Variants in WNK1 observed in about 807,000 individuals in gnomAD.
The protein encoded by WNK1 is serine/threonine-protein kinase WNK1.
A neutral mutation model predicts 222.8 loss-of-function variants in WNK1; 38 were observed. The observed-to-expected ratio is 0.17, with a 90% CI of 0.13 to 0.22. WNK1 has a LOEUF of 0.22. Among genes scored for constraint, WNK1 ranks in the 10% least tolerant of loss-of-function variants. The pLI, the probability that WNK1 is intolerant of heterozygous loss-of-function variation, is 1.00. For synonymous variants in WNK1, 1,090 were observed against 1,092.9 expected (o/e 1.00, Z 0.05); for missense variants, 2,348 against 2,918.4 (o/e 0.80, Z 4.50).
chr12:814,614 T>C (rs959861838), intron 2 of WNK1, among the ~76,000 whole-genome samples: 1 of 152,176 alleles, frequency 6.6e-6, no homozygotes, highest in Non-Finnish European at 1.5e-5. Flanking sequence ...CCGTTACTTA[T>C]TGTAAAGAGC....
At position 786,922 on chromosome 12, in the gene WNK1, C is replaced by T. The variant is rs187506617; in HGVS notation, c.760-26720C>T. ...AATTGGTATGTTTGGAGTTGGTCTT[C>T]TTCCTGCCTTCTATGTGTTTTAATT... On this transcript the variant is annotated intron_variant, in intron 1 of 27. Transcript: ENST00000315939. Among the ~76,000 whole-genome samples, 140 of 152,034 alleles carry T rather than the reference C, an allele frequency of 9.2e-4. 2 individuals carry two copies. The highest frequency in any genetic ancestry group is 7.5e-3 in the South Asian group (36 of 4,794).
At chr12:821,798 G>A (rs1366406638) in intron 2 of WNK1, among the ~76,000 whole-genome samples, 1 of 151,768 alleles carries the variant, frequency 6.6e-6, no homozygotes, top group Non-Finnish European at 1.5e-5. Context: ...TTTATCTCTT[G>A]CATCAGTATT....
intron 1 of WNK1, among the ~76,000 whole-genome samples, chr12:799,824 A>G (rs1317478369): frequency 6.6e-6 from 1 of 152,142 alleles, no homozygotes; most frequent in African/African-American, 2.4e-5. Context: ...AGCTGGGATT[A>G]CAGGTGCATG....
At chr12:823,612 C>T (rs1948088765) in intron 2 of WNK1, among the ~76,000 whole-genome samples, 1 of 152,168 alleles carries the variant, frequency 6.6e-6, no homozygotes, top group African/African-American at 2.4e-5. Context: ...TTTAAAGTTT[C>T]TGTCTCTGTT....
rs1198959619 is a variant in WNK1, at chr12:753,533, C to T, written c.-33C>T. ...TTCACGCCCTTTTCGTTCACGAATC[C>T]GAGCCCGCTCGCCTCTCTCCAGCGA... On this transcript the variant is annotated 5_prime_UTR_variant, in exon 1 of 28. Transcript: ENST00000315939. The surrounding 1 kb of genome is among the most constrained non-coding windows in gnomAD (Gnocchi z 5.2). The T allele has an allele frequency of 6.2e-7, 1 of 1,610,822 alleles. No individual in the cohort carries two copies. The highest frequency in any genetic ancestry group is 1.1e-5 in the South Asian group (1 of 90,956).
At chr12:787,663 T>G (rs766475201) in intron 1 of WNK1, among the ~76,000 whole-genome samples, 2 of 152,208 alleles carry the variant, frequency 1.3e-5, no homozygotes, top group Non-Finnish European at 2.9e-5. Context: ...TCGGTTTTCC[T>G]TATTCTTACA....
Position 878,237 on chromosome 12 carries a change from C to A in WNK1, c.2249C>A (p.Pro750His). 6.2e-7 allele frequency: 1 copy of A among 1,614,182 alleles called. No individual in the cohort carries two copies. The highest frequency in any genetic ancestry group is 8.5e-7 in the Non-Finnish European group (1 of 1,180,028). Residue 750 changes from proline (P) to histidine (H), a missense_variant, in exon 10 of 28, where the codon CCT becomes CAT. By Grantham distance (77) the Pro-to-His change is moderately conservative. Around this residue, in one of 13 missense-constraint regions of WNK1, gnomAD observed 547 missense variants for 558.3 expected, o/e 0.98. Transcript: ENST00000315939. ...QQQQGIQQTA[P>H]PQQTVQYSLS... The stretch of plus-strand genomic sequence containing the variant: ...CAGCAGGGAATACAGCAGACAGCCC[C>A]TCCTCAACAGACAGTGCAGTATTCA...
chr12:856,238 A>G (rs1950780189), intron 4 of WNK1, among the ~76,000 whole-genome samples: 1 of 151,614 alleles, frequency 6.6e-6, no homozygotes, highest in African/African-American at 2.4e-5. Context: ...ACCTGAGGTC[A>G]GGTGTTCGAG....
intron 16 of WNK1, 74 bp downstream of exon 16, chr12:883,642 A>G (rs1953379758): frequency 6.9e-6 from 11 of 1,603,282 alleles, no homozygotes; most frequent in Non-Finnish European, 9.4e-6. Context: ...GCTATGCAAA[A>G]TGTCCAGTGA....
At chr12:856,924 T>G (rs1950837369) in intron 4 of WNK1, among the ~76,000 whole-genome samples, 1 of 152,210 alleles carries the variant, frequency 6.6e-6, no homozygotes, top group Admixed American at 6.5e-5. Flanking sequence ...TCTGCCTAAA[T>G]TTTTTCATTG....
chr12:841,572 T>A (rs1949628212), intron 4 of WNK1, among the ~76,000 whole-genome samples: 2 of 152,354 alleles, frequency 1.3e-5, no homozygotes, highest in African/African-American at 4.8e-5. Flanking sequence ...ACTCTATAGC[T>A]GCCTCTTAAT....
In WNK1 at chr12:885,190, C is replaced by T. The variant is rs1162342262; in HGVS notation, c.4386C>T (p.Gly1462=). The change falls in exon 19 of 28, where the codon GGC becomes GGT. Residue 1462 remains glycine (G), a synonymous_variant. Coordinates refer to ENST00000315939, the MANE Select transcript of WNK1 (RefSeq NM_018979.4). ...TVSATSASAG[G]STATPGPKPP... ...CAGCAACTTCAGCCTCTGCAGGGGG[C>T]AGTACTGCTACCCCAGGTCCTAAGC... is the stretch of plus-strand genomic sequence containing the variant. 6.2e-7 allele frequency: 1 copy of T among 1,614,174 alleles called. No homozygotes were observed. Among genetic ancestry groups the T allele is most frequent in the Non-Finnish European group, 8.5e-7 (1 of 1,180,018 alleles).
rs541231385 is a variant in WNK1, at chr12:830,664, CAG to C, written c.1311+508_1311+509del. ...ACTCATGGTAGTTCATGTCTGCTGA[CAG>C]AGATATTTTCTACAGCTGTCTAATT... On this transcript the variant is annotated intron_variant, in intron 4 of 27. Coordinates refer to ENST00000315939, the MANE Select transcript of WNK1 (RefSeq NM_018979.4). Among the ~76,000 whole-genome samples, 43 of 152,294 alleles carry C rather than the reference CAG, an allele frequency of 2.8e-4. No individual in the cohort carries two copies. The East Asian group carries it at 3.7e-3, about 13-fold the overall frequency.
intron 4 of WNK1, among the ~76,000 whole-genome samples, chr12:841,982 C>T (rs1157810308): frequency 6.6e-6 from 1 of 152,114 alleles, no homozygotes; most frequent in Non-Finnish European, 1.5e-5. Context: ...CTATAGCATA[C>T]ATGAAGGAGG....
At chr12:865,126 G>C in intron 8 of WNK1, 2 of 1,517,606 alleles carry the variant, frequency 1.3e-6, no homozygotes, top group Non-Finnish European at 1.8e-6. Context: ...CGTGGCCGTA[G>C]CATGTCGGTT....
rs1955717539 is a variant in WNK1 at position 906,579 on chromosome 12, G to A, written c.6644-1268G>A. ...GTCTTCCTGAAGTTGAAAGATTCAG[G>A]CACACCATACAGTCCTTTCCTCATG... On this transcript the variant is annotated intron_variant, in intron 26 of 27. Coordinates refer to ENST00000315939, the MANE Select transcript of WNK1 (RefSeq NM_018979.4). The A allele has an allele frequency of 6.1e-6, 6 of 985,102 alleles. No individual in the cohort carries two copies. In the African/African-American group the frequency reaches 1.0e-4, roughly 17 times the overall value. The allele number at this position is 985,102 out of a possible 1,614,324, so 61.0% of individuals were successfully genotyped here.
intron 4 of WNK1, among the ~76,000 whole-genome samples, chr12:838,911 A>G (rs1255987938): frequency 2.0e-5 from 3 of 152,222 alleles, no homozygotes; most frequent in Non-Finnish European, 4.4e-5. Flanking sequence ...GGGTTCATTC[A>G]GCAAATATTC....
At chr12:820,844 C>G (rs1215218839) in intron 2 of WNK1, among the ~76,000 whole-genome samples, 1 of 151,936 alleles carries the variant, frequency 6.6e-6, no homozygotes, top group Non-Finnish European at 1.5e-5. Flanking sequence ...ATTTGAATGC[C>G]TTTATTTCTT....
intron 2 of WNK1, among the ~76,000 whole-genome samples, chr12:818,707 T>G (rs774877461): frequency 1.3e-5 from 2 of 152,260 alleles, no homozygotes; most frequent in African/African-American, 2.4e-5. Context: ...ATATGTCCTA[T>G]AAATAGACTC....
Sources: allele counts gnomAD v4.1 joint callset (sites outside exome capture counted in the v4.1 genomes callset), GRCh38; gene constraint gnomAD v4.1.1; regional missense constraint gnomAD v4.1.1; non-coding constraint Gnocchi (gnomAD v3.1); transcripts MANE v1.5; gene names NCBI Gene and HGNC (gene_info 2026-07-23, HGNC 2026-07-21).